STAU2: variants seen among roughly 807,000 people sequenced by gnomAD.
STAU2 encodes the protein double-stranded RNA-binding protein Staufen homolog 2.
A neutral mutation model predicts 65.9 loss-of-function variants in STAU2; 20 were observed. The observed-to-expected ratio is 0.30, with a 90% CI of 0.21 to 0.44. STAU2 has a LOEUF of 0.44. Among genes scored for constraint, STAU2 ranks in the 20% least tolerant of loss-of-function variants. The pLI, the probability that STAU2 is intolerant of heterozygous loss-of-function variation, is 1.00. For synonymous variants in STAU2, 232 were observed against 233.9 expected (o/e 0.99, Z 0.07); for missense variants, 558 against 683.9 (o/e 0.82, Z 2.05).
chr8:73,710,670 CT>C (rs1423976765), intron 3 of STAU2, among the ~76,000 whole-genome samples: 1 of 151,816 alleles, frequency 6.6e-6, no homozygotes, highest in East Asian at 1.9e-4. Flanking sequence ...TTATTTTAAC[CT>C]ATATTTTTCC....
chr8:73,687,694 C>G (rs952187049), intron 5 of STAU2, among the ~76,000 whole-genome samples: 4 of 151,110 alleles, frequency 2.6e-5, no homozygotes, highest in African/African-American at 9.7e-5. Context: ...GGAGCCACTG[C>G]ACCAAGCCAC....
At chr8:73,723,115 C>CAA (rs1162444409) in intron 3 of STAU2, among the ~76,000 whole-genome samples, 1 of 151,864 alleles carries the variant, frequency 6.6e-6, no homozygotes, top group Non-Finnish European at 1.5e-5. Context: ...CACCCACACA[C>CAA]ACACACACAC....
intron 13 of STAU2, among the ~76,000 whole-genome samples, chr8:73,524,725 T>C (rs1823251128): frequency 1.3e-5 from 2 of 152,162 alleles, no homozygotes. Context: ...CCAATTCTGT[T>C]TGGTCAACTG....
intron 12 of STAU2, among the ~76,000 whole-genome samples, chr8:73,568,685 T>C (rs940631740): frequency 3.3e-5 from 5 of 152,158 alleles, no homozygotes; most frequent in African/African-American, 4.8e-5. Context: ...TCTGGAATAA[T>C]ACCAAATTCA....
At chr8:73,504,685 C>T (rs1297564479) in intron 13 of STAU2, among the ~76,000 whole-genome samples, 1 of 151,480 alleles carries the variant, frequency 6.6e-6, no homozygotes, top group Non-Finnish European at 1.5e-5. Flanking sequence ...AAGGTTGTCT[C>T]CTTTAAGACC....
intron 11 of STAU2, among the ~76,000 whole-genome samples, chr8:73,586,315 G>A (rs748032009): frequency 3.3e-5 from 5 of 152,172 alleles, no homozygotes; most frequent in Non-Finnish European, 7.4e-5. Context: ...AATCCTGGAA[G>A]GGGCTGAAAC....
chr8:73,576,767 T>C (rs977661278), intron 12 of STAU2, among the ~76,000 whole-genome samples: 5 of 152,346 alleles, frequency 3.3e-5, no homozygotes, highest in Non-Finnish European at 7.3e-5. Context: ...AAACTCCATC[T>C]TTCTAGACAA....
At chr8:73,476,911 G>T (rs1441032017) in intron 13 of STAU2, among the ~76,000 whole-genome samples, 1 of 152,192 alleles carries the variant, frequency 6.6e-6, no homozygotes. Flanking sequence ...AGCATAGTGA[G>T]AATATTGCAT....
rs560179180 is a variant in STAU2 at position 73,497,787 on chromosome 8, C to T, written c.1530+54225G>A. The stretch of plus-strand genomic sequence containing the variant: ...TATAATCTTTTGACCCTTTTCTTCC[C>T]CCTCAAATTTATAACAGACTAGTAA... On this transcript the variant is annotated intron_variant, in intron 13 of 14. Coordinates refer to ENST00000524300, the MANE Select transcript of STAU2 (RefSeq NM_001164380.2). Among the ~76,000 whole-genome samples the T allele has an allele frequency of 1.7e-4, 21 of 124,184 alleles. No individual in the cohort carries two copies. The South Asian group carries it at 5.2e-3, about 31-fold the overall frequency. The allele number at this position is 124,184 out of a possible 152,430, so 81.5% of individuals were successfully genotyped here.
intron 6 of STAU2, among the ~76,000 whole-genome samples, chr8:73,627,514 C>T (rs1368297037): frequency 1.4e-4 from 22 of 152,104 alleles, no homozygotes; most frequent in Non-Finnish European, 2.9e-5. Flanking sequence ...ATCTGCCTTA[C>T]AGAGTGCTCT....
intron 3 of STAU2, among the ~76,000 whole-genome samples, chr8:73,715,910 T>C (rs547827950): frequency 2.2e-4 from 33 of 152,156 alleles, no homozygotes; most frequent in African/African-American, 7.7e-4. Context: ...TGTGTGATCG[T>C]ATATTTATCT....
intron 6 of STAU2, among the ~76,000 whole-genome samples, chr8:73,647,171 A>G (rs1039322759): frequency 6.6e-6 from 1 of 152,222 alleles, no homozygotes; most frequent in African/African-American, 2.4e-5. Flanking sequence ...ATAGTGTAGC[A>G]GTTTCCTAGA....
chr8:73,632,193 G>C, intron 6 of STAU2, among the ~76,000 whole-genome samples: 1 of 151,468 alleles, frequency 6.6e-6, no homozygotes, highest in East Asian at 1.9e-4. Flanking sequence ...ATTTAGAAAA[G>C]ATCAGAATAT....
At chr8:73,655,639 C>CTTTTT (rs71269930) in intron 6 of STAU2, among the ~76,000 whole-genome samples, 6 of 104,748 alleles carry the variant, frequency 5.7e-5, no homozygotes, top group Admixed American at 1.0e-4. Flanking sequence ...TTTAATACAT[C>CTTTTT]TTTTTTTTTT....
At chr8:73,592,122 C>A (rs1481481106) in intron 11 of STAU2, among the ~76,000 whole-genome samples, 8 of 150,826 alleles carry the variant, frequency 5.3e-5, no homozygotes, top group East Asian at 1.9e-4. Context: ...GAGCAGAAAT[C>A]AAAAAAACTG....
At chr8:73,465,797 C>A (rs1819623744) in intron 13 of STAU2, among the ~76,000 whole-genome samples, 1 of 152,058 alleles carries the variant, frequency 6.6e-6, no homozygotes, top group Non-Finnish European at 1.5e-5. Flanking sequence ...TATTTCTCAC[C>A]CCTGTCTTCA....
intron 13 of STAU2, among the ~76,000 whole-genome samples, chr8:73,479,536 A>G (rs1333207666): frequency 2.0e-5 from 3 of 151,424 alleles, no homozygotes; most frequent in Non-Finnish European, 4.4e-5. Context: ...AACTTGTGCT[A>G]CATGTTAGGC....
At chr8:73,550,025 G>A in intron 13 of STAU2, 1 of 985,514 alleles carries the variant, frequency 1.0e-6, no homozygotes, top group Non-Finnish European at 1.2e-6. Context: ...ATGAAGATGG[G>A]CTATGCATGT....
intron 5 of STAU2, among the ~76,000 whole-genome samples, chr8:73,688,019 TCTTTA>T (rs1819060754): frequency 6.0e-5 from 9 of 149,334 alleles, no homozygotes; most frequent in Admixed American, 6.0e-4. Flanking sequence ...CGGCCTACTA[TCTTTA>T]CTTTAAAAAA....
Sources: gnomAD v4.1 joint callset for allele counts (sites outside exome capture counted in the v4.1 genomes callset) on GRCh38, gnomAD v4.1.1 for gene constraint, MANE v1.5 for transcripts, NCBI Gene and HGNC (gene_info 2026-07-23, HGNC 2026-07-21) for gene names.